CTNNA3: variants seen among roughly 807,000 people sequenced by gnomAD.
The protein encoded by CTNNA3 is catenin alpha-3.
CTNNA3 carries 76 observed loss-of-function variants against 95.7 expected under a neutral mutation model. The ratio of observed to expected loss-of-function variants is 0.79; its 90% confidence interval spans 0.66 to 0.96. CTNNA3 has a LOEUF of 0.96. Among genes scored for constraint, CTNNA3 ranks in the 40% least tolerant of loss-of-function variants. CTNNA3 has a pLI of 0.00. For missense variants in CTNNA3, 1,191 were observed against 1,089.8 expected, an observed-to-expected ratio of 1.09 and a Z score of -1.31; for synonymous variants, 431 against 374.4, an observed-to-expected ratio of 1.15 and a Z score of -1.74.
At chr10:66,367,808 A>G (rs1252493575) in intron 12 of CTNNA3, among the ~76,000 whole-genome samples, 1 of 147,736 alleles carries the variant, frequency 6.8e-6, no homozygotes, top group East Asian at 2.0e-4. Context: ...CATGTGACTA[A>G]TTTAGTTATT....
intron 11 of CTNNA3, among the ~76,000 whole-genome samples, chr10:66,385,190 C>T (rs1329473705): frequency 6.6e-6 from 1 of 151,926 alleles, no homozygotes; most frequent in Non-Finnish European, 1.5e-5. Flanking sequence ...TGATAGACTG[C>T]TAGCAAGACT....
At chr10:67,690,936 T>C (rs1349229364) in intron 1 of CTNNA3, among the ~76,000 whole-genome samples, 1 of 152,176 alleles carries the variant, frequency 6.6e-6, no homozygotes, top group African/African-American at 2.4e-5. Flanking sequence ...CTCCCTCTGA[T>C]GCCGAGCCGA....
intron 7 of CTNNA3, among the ~76,000 whole-genome samples, chr10:67,110,492 G>A (rs1212656041): frequency 6.6e-6 from 1 of 151,822 alleles, no homozygotes; most frequent in African/African-American, 2.4e-5. Context: ...CAAGTAATTG[G>A]ACAATTGGAC....
intron 15 of CTNNA3, among the ~76,000 whole-genome samples, chr10:66,007,640 T>C (rs906659216): frequency 6.6e-6 from 1 of 151,998 alleles, no homozygotes; most frequent in African/African-American, 2.4e-5. Flanking sequence ...TTATATTAGG[T>C]AGCTCCATCT....
At chr10:66,259,756 A>G (rs920705357) in intron 13 of CTNNA3, among the ~76,000 whole-genome samples, 1 of 152,132 alleles carries the variant, frequency 6.6e-6, no homozygotes, top group Non-Finnish European at 1.5e-5. Context: ...CTATTACATA[A>G]CTGACTGCAA....
intron 7 of CTNNA3, among the ~76,000 whole-genome samples, chr10:66,868,402 T>C (rs1178207485): frequency 1.3e-5 from 2 of 151,136 alleles, no homozygotes; most frequent in South Asian, 2.1e-4. Flanking sequence ...CTGTAATTAA[T>C]AGACAAACAC....
chr10:66,751,581 T>C (rs1232943910), intron 9 of CTNNA3, among the ~76,000 whole-genome samples: 4 of 152,192 alleles, frequency 2.6e-5, no homozygotes, highest in Admixed American at 2.0e-4. Flanking sequence ...ATCTTCCTAA[T>C]GAGAGAATGA....
intron 7 of CTNNA3, among the ~76,000 whole-genome samples, chr10:66,979,753 A>G (rs1850301539): frequency 6.6e-6 from 1 of 152,204 alleles, no homozygotes. Context: ...CTACTTTATC[A>G]CTATCATAAT....
intron 7 of CTNNA3, among the ~76,000 whole-genome samples, chr10:67,119,960 CA>C (rs1398149610): frequency 2.0e-5 from 3 of 151,622 alleles, no homozygotes; most frequent in Non-Finnish European, 3.0e-5. Flanking sequence ...CTAAAATAAC[CA>C]AATAGTGTTT....
chr10:67,541,397 T>C (rs1218717947), intron 3 of CTNNA3, among the ~76,000 whole-genome samples: 3 of 152,148 alleles, frequency 2.0e-5, no homozygotes, highest in East Asian at 1.9e-4. Flanking sequence ...ATACTGTTTC[T>C]TATAATAGAC....
intron 13 of CTNNA3, among the ~76,000 whole-genome samples, chr10:66,211,531 T>A (rs186595030): frequency 2.0e-5 from 3 of 152,208 alleles, no homozygotes; most frequent in Non-Finnish European, 4.4e-5. Context: ...TGGAGCCTAA[T>A]TCACATCTGA....
intron 5 of CTNNA3, among the ~76,000 whole-genome samples, chr10:67,433,137 C>G (rs1343280388): frequency 6.6e-6 from 1 of 151,972 alleles, no homozygotes; most frequent in Non-Finnish European, 1.5e-5. Flanking sequence ...GAGAGACATG[C>G]AACTCTTCCT....
chr10:67,112,159 T>C (rs1008569621), intron 7 of CTNNA3, among the ~76,000 whole-genome samples: 18 of 152,202 alleles, frequency 1.2e-4, no homozygotes, highest in Non-Finnish European at 2.4e-4. Context: ...TACACCTTCA[T>C]GTTCCACCCT....
intron 1 of CTNNA3, among the ~76,000 whole-genome samples, chr10:67,726,945 TATTATATATTATATA>T (rs1287236921): frequency 8.6e-6 from 1 of 116,536 alleles, no homozygotes; most frequent in Non-Finnish European, 1.6e-5. Flanking sequence ...ATATCATATA[TATTATATATTATATA>T]ATTATATATA....
At chr10:67,066,480 C>T (rs566359197) in intron 7 of CTNNA3, among the ~76,000 whole-genome samples, 81 of 150,874 alleles carry the variant, frequency 5.4e-4, no homozygotes, top group Middle Eastern at 7.0e-3. Flanking sequence ...TGTGAACCAC[C>T]GCACCTGGCC....
At chr10:66,007,056 G>C (rs2078901373) in intron 15 of CTNNA3, among the ~76,000 whole-genome samples, 1 of 151,978 alleles carries the variant, frequency 6.6e-6, no homozygotes, top group Non-Finnish European at 1.5e-5. Context: ...TACAGCTATA[G>C]GTCATTAAAT....
chr10:66,846,253 A>G (rs983047014), intron 7 of CTNNA3, among the ~76,000 whole-genome samples: 19 of 152,170 alleles, frequency 1.2e-4, no homozygotes, highest in Non-Finnish European at 2.1e-4. Context: ...TAAAATCTAA[A>G]AAGTCAAACT....
At chr10:66,916,430 G>T (rs1044327903) in intron 7 of CTNNA3, among the ~76,000 whole-genome samples, 12 of 152,134 alleles carry the variant, frequency 7.9e-5, no homozygotes, top group African/African-American at 2.9e-4. Flanking sequence ...AAGAGTAATT[G>T]GTAAGAAATT....
At chr10:66,600,443 A>G (rs879468159) in intron 10 of CTNNA3, among the ~76,000 whole-genome samples, 17 of 151,772 alleles carry the variant, frequency 1.1e-4, no homozygotes, top group Admixed American at 1.1e-3. Context: ...CACCCATAAA[A>G]ATCAGCCTTT....
Sources: allele counts gnomAD v4.1 joint callset (sites outside exome capture counted in the v4.1 genomes callset), GRCh38; gene constraint gnomAD v4.1.1; transcripts MANE v1.5; gene names NCBI Gene and HGNC (gene_info 2026-07-23, HGNC 2026-07-21).